CADM2: variants seen among roughly 807,000 people sequenced by gnomAD.
CADM2 encodes the protein immunoglobulin superfamily member 4D.
A neutral mutation model predicts 49.8 loss-of-function variants in CADM2; 12 were observed. That is an observed-to-expected ratio of 0.24 (90% CI 0.15 to 0.39). CADM2 has a LOEUF of 0.39. Among genes scored for constraint, CADM2 ranks in the 10% least tolerant of loss-of-function variants. The pLI is 1.00. For missense variants in CADM2, 378 were observed against 492.3 expected (o/e 0.77, Z 2.20); for synonymous variants, 214 against 175.4 (o/e 1.22, Z -1.74).
chr3:85,012,658 C>G (rs1226892070), intron 1 of CADM2, among the ~76,000 whole-genome samples: 1 of 150,620 alleles, frequency 6.6e-6, no homozygotes, highest in African/African-American at 2.4e-5. Flanking sequence ...TCATAAAGTA[C>G]AAAAAGAAAA....
chr3:85,160,117 A>G (rs2040271448), intron 1 of CADM2, among the ~76,000 whole-genome samples: 2 of 152,160 alleles, frequency 1.3e-5, no homozygotes, highest in Admixed American at 1.3e-4. Context: ...GTCTTTTTAA[A>G]TTACCATTTT....
At chr3:84,984,048 TACACACACACAC>T (rs10603844) in intron 1 of CADM2, among the ~76,000 whole-genome samples, 12 of 143,306 alleles carry the variant, frequency 8.4e-5, no homozygotes, top group South Asian at 2.3e-4. Context: ...TATATATATA[TACACACACACAC>T]ACACACACAC....
chr3:85,696,070 T>C (rs1264839272), intron 1 of CADM2, among the ~76,000 whole-genome samples: 4 of 152,100 alleles, frequency 2.6e-5, no homozygotes, highest in Non-Finnish European at 5.9e-5. Flanking sequence ...TATATCTTTT[T>C]TGAGAAATGT....
intron 1 of CADM2, among the ~76,000 whole-genome samples, chr3:85,362,196 C>T (rs182854896): frequency 1.5e-4 from 23 of 152,268 alleles, no homozygotes; most frequent in Admixed American, 1.5e-3. Context: ...TTCTTAAAAC[C>T]AGATGTTCTC....
At chr3:85,986,831 T>C (rs1003543065) in intron 8 of CADM2, among the ~76,000 whole-genome samples, 1 of 152,052 alleles carries the variant, frequency 6.6e-6, no homozygotes. Context: ...ACATCGTACA[T>C]GCTTTTGGAG....
chr3:85,197,230 T>C (rs2041364988), intron 1 of CADM2, among the ~76,000 whole-genome samples: 1 of 151,778 alleles, frequency 6.6e-6, no homozygotes, highest in Admixed American at 6.6e-5. Flanking sequence ...GACTTATTTC[T>C]AGTTAGAGGT....
At chr3:85,034,650 G>GT (rs1283721648) in intron 1 of CADM2, among the ~76,000 whole-genome samples, 1 of 151,820 alleles carries the variant, frequency 6.6e-6, no homozygotes, top group East Asian at 1.9e-4. Flanking sequence ...CTATTTTTTA[G>GT]TTTTTTGAGG....
chr3:85,847,625 A>C (rs2074936370), intron 3 of CADM2, among the ~76,000 whole-genome samples: 1 of 152,178 alleles, frequency 6.6e-6, no homozygotes, highest in Non-Finnish European at 1.5e-5. Flanking sequence ...TTTGCTTTAG[A>C]GTACCTATTA....
intron 3 of CADM2, among the ~76,000 whole-genome samples, chr3:85,864,001 G>A (rs77369346): frequency 1.3e-5 from 2 of 152,150 alleles, no homozygotes; most frequent in Non-Finnish European, 2.9e-5. Context: ...TTATGAAAAC[G>A]TGAAGAGCAC....
At chr3:85,991,766 G>A (rs988353439) in intron 8 of CADM2, among the ~76,000 whole-genome samples, 3 of 151,994 alleles carry the variant, frequency 2.0e-5, no homozygotes, top group Non-Finnish European at 4.4e-5. Context: ...TATCGATTTA[G>A]CTTAAGGAAT....
intron 8 of CADM2, among the ~76,000 whole-genome samples, chr3:86,059,686 T>G (rs1738387217): frequency 6.6e-6 from 1 of 152,196 alleles, no homozygotes. Context: ...AAGCTTTACT[T>G]CGTCTTTTTA....
At chr3:85,235,303 C>T (rs1377200581) in intron 1 of CADM2, among the ~76,000 whole-genome samples, 1 of 152,022 alleles carries the variant, frequency 6.6e-6, no homozygotes, top group Non-Finnish European at 1.5e-5. Context: ...GTTTGAGTAA[C>T]ATTTGACTTC....
chr3:86,060,511 A>C (rs1402327020), intron 8 of CADM2, among the ~76,000 whole-genome samples: 1 of 152,186 alleles, frequency 6.6e-6, no homozygotes, highest in Non-Finnish European at 1.5e-5. Flanking sequence ...TCCCAACAGT[A>C]AGATGAAAAA....
At chr3:85,337,407 T>C (rs988904133) in intron 1 of CADM2, among the ~76,000 whole-genome samples, 34 of 151,476 alleles carry the variant, frequency 2.2e-4, no homozygotes, top group Admixed American at 1.5e-3. Flanking sequence ...ATATGTATCA[T>C]TGTAAACTGG....
At chr3:85,781,539 T>C (rs1228424085) in intron 2 of CADM2, among the ~76,000 whole-genome samples, 1 of 152,150 alleles carries the variant, frequency 6.6e-6, no homozygotes, top group Non-Finnish European at 1.5e-5. Context: ...GTCCTTCTTC[T>C]AAGAGAGAAT....
chr3:86,008,092 T>C (rs1731011171), intron 8 of CADM2, among the ~76,000 whole-genome samples: 1 of 152,102 alleles, frequency 6.6e-6, no homozygotes. Flanking sequence ...TTCTCAAATA[T>C]CAAGTGTAAG....
At chr3:85,292,046 C>T (rs2043813551) in intron 1 of CADM2, among the ~76,000 whole-genome samples, 1 of 151,466 alleles carries the variant, frequency 6.6e-6, no homozygotes, top group South Asian at 2.1e-4. Flanking sequence ...GGAAACCCAT[C>T]TCATGTGCAG....
At chr3:85,485,072 T>A (rs1324865376) in intron 1 of CADM2, among the ~76,000 whole-genome samples, 1 of 151,766 alleles carries the variant, frequency 6.6e-6, no homozygotes, top group Non-Finnish European at 1.5e-5. Flanking sequence ...CAATAAAAGG[T>A]GCAAAATGAA....
intron 1 of CADM2, among the ~76,000 whole-genome samples, chr3:85,081,151 A>G (rs2037149222): frequency 1.3e-5 from 2 of 152,162 alleles, no homozygotes; most frequent in Non-Finnish European, 2.9e-5. Context: ...GAAAATATTC[A>G]TAATGTTGAT....
Sources: gnomAD v4.1 joint callset for allele counts (sites outside exome capture counted in the v4.1 genomes callset) on GRCh38, gnomAD v4.1.1 for gene constraint, MANE v1.5 for transcripts, NCBI Gene and HGNC (gene_info 2026-07-23, HGNC 2026-07-21) for gene names.